The following HECW2 variants were observed in gnomAD, a reference collection of about 807,000 sequenced individuals.
HECW2 encodes E3 ubiquitin-protein ligase HECW2.
A neutral mutation model predicts 175.2 loss-of-function variants in HECW2; 61 were observed. That is an observed-to-expected ratio of 0.35 (90% CI 0.28 to 0.43). The LOEUF is 0.43. HECW2 is among the 20% of genes least tolerant of loss of function. HECW2 has a pLI of 1.00. For synonymous variants in HECW2, 671 were observed against 731.0 expected, an observed-to-expected ratio of 0.92 and a Z score of 1.32; for missense variants, 1,524 against 2,000.5, an observed-to-expected ratio of 0.76 and a Z score of 4.54.
chr2:196,425,844 T>C (rs1269096765), intron 2 of HECW2, among the ~76,000 whole-genome samples: 1 of 152,180 alleles, frequency 6.6e-6, no homozygotes, highest in African/African-American at 2.4e-5. Flanking sequence ...GCAGCAGGGT[T>C]TGAAAAGATT....
At chr2:196,280,804 T>C (rs1309628257) in intron 14 of HECW2, among the ~76,000 whole-genome samples, 2 of 152,232 alleles carry the variant, frequency 1.3e-5, no homozygotes, top group African/African-American at 2.4e-5. Context: ...CAAAATGTCA[T>C]AAAATAGCAA....
At chr2:196,389,679 A>C (rs1694450751) in intron 2 of HECW2, among the ~76,000 whole-genome samples, 1 of 152,196 alleles carries the variant, frequency 6.6e-6, no homozygotes, top group Non-Finnish European at 1.5e-5. Flanking sequence ...ATTGACTAAG[A>C]AAGGTAACTT....
At chr2:196,560,595 A>C (rs1243722982) in intron 1 of HECW2, among the ~76,000 whole-genome samples, 2 of 152,198 alleles carry the variant, frequency 1.3e-5, no homozygotes, top group Non-Finnish European at 2.9e-5. Context: ...GTGACTTCTC[A>C]TTTACAGAAA....
At chr2:196,298,668 C>T (rs1455719997) in intron 13 of HECW2, among the ~76,000 whole-genome samples, 1 of 152,144 alleles carries the variant, frequency 6.6e-6, no homozygotes, top group African/African-American at 2.4e-5. Context: ...CCATGACAGG[C>T]CCCGGTGTGT....
intron 2 of HECW2, among the ~76,000 whole-genome samples, chr2:196,385,408 C>T (rs1252449709): frequency 6.6e-6 from 1 of 152,110 alleles, no homozygotes; most frequent in Non-Finnish European, 1.5e-5. Flanking sequence ...TATGATCTCA[C>T]TAGAAGGTAA....
chr2:196,403,181 T>C (rs1175864156), intron 2 of HECW2, among the ~76,000 whole-genome samples: 1 of 152,158 alleles, frequency 6.6e-6, no homozygotes, highest in African/African-American at 2.4e-5. Context: ...GACACAGACA[T>C]AGGCATAGAA....
intron 1 of HECW2, among the ~76,000 whole-genome samples, chr2:196,553,124 T>C (rs1689661082): frequency 6.6e-6 from 1 of 152,252 alleles, no homozygotes; most frequent in African/African-American, 2.4e-5. Context: ...CAAATTTAAA[T>C]GAGCTAGAGG....
chr2:196,342,536 AT>A (rs1692795572), intron 3 of HECW2, among the ~76,000 whole-genome samples: 1 of 151,770 alleles, frequency 6.6e-6, no homozygotes, highest in African/African-American at 2.4e-5. Context: ...AGTATTTACT[AT>A]TTTTTCAATA....
At chr2:196,308,198 A>AG in intron 10 of HECW2, 113 bp from the exon 11 acceptor site, 1 of 698,776 alleles carries the variant, frequency 1.4e-6, no homozygotes, top group Non-Finnish European at 2.2e-6. Context: ...ATCTGAGACT[A>AG]ATAACATACA....
chr2:196,592,472 T>C (rs1462346280), intron 1 of HECW2: 1 of 152,226 alleles, frequency 6.6e-6, no homozygotes, highest in Non-Finnish European at 1.5e-5. Flanking sequence ...ACCTCTGCAG[T>C]CTCGCGTCCT....
chr2:196,291,697 C>G (rs1690609415), intron 14 of HECW2: 1 of 152,220 alleles, frequency 6.6e-6, no homozygotes, highest in Non-Finnish European at 1.5e-5. Flanking sequence ...TACAGCGTGG[C>G]TCAGCCACTG....
chr2:196,350,793 G>A (rs897329425), intron 2 of HECW2, among the ~76,000 whole-genome samples: 1 of 149,312 alleles, frequency 6.7e-6, no homozygotes, highest in African/African-American at 2.6e-5. Flanking sequence ...CTATGGTAAA[G>A]GTAACCATGT....
intron 25 of HECW2, 138 bp from the exon 26 acceptor site, chr2:196,220,291 A>C: frequency 1.6e-6 from 1 of 630,450 alleles, no homozygotes; most frequent in Non-Finnish European, 2.8e-6. Flanking sequence ...AAAACCTGTA[A>C]AGCTCCCTAC....
chr2:196,261,566 A>G lies in HECW2; in HGVS notation c.3336-3660T>C, dbSNP rs575077346. 4.6e-5 allele frequency among the ~76,000 whole-genome samples: 7 copies of G among 152,342 alleles called. No homozygotes were observed. The East Asian group carries it at 1.4e-3, about 29-fold the overall frequency. On this transcript the variant is annotated intron_variant, in intron 17 of 28. Coordinates refer to ENST00000644978, the MANE Select transcript of HECW2 (RefSeq NM_001348768.2). The stretch of plus-strand genomic sequence containing the variant: ...ACATGCTAGGCCAGAGATGCAAAAA[A>G]TCAAAAGAATCAAGTCAAACACAAG...
rs1297668523 is a variant in HECW2, at chr2:196,579,405, C to T, written c.-36+14103G>A. Among the ~76,000 whole-genome samples the T allele has an allele frequency of 3.9e-5, 6 of 151,988 alleles. No individual in the cohort carries two copies. In the South Asian group the frequency reaches 1.0e-3, roughly 26 times the overall value. On this transcript the variant is annotated intron_variant, in intron 1 of 28. Transcript: ENST00000644978. ...AACAGGAAAGAGACAGACATAAATG[C>T]TACTTGATTATCAGTAATTACATTA...
intron 1 of HECW2, among the ~76,000 whole-genome samples, chr2:196,553,039 A>G (rs1363710642): frequency 1.3e-5 from 2 of 152,166 alleles, no homozygotes; most frequent in Non-Finnish European, 2.9e-5. Flanking sequence ...GGGGTGGGCG[A>G]GTAGGGCCAA....
chr2:196,407,847 A>G (rs138587280), intron 2 of HECW2, among the ~76,000 whole-genome samples: 1 of 152,372 alleles, frequency 6.6e-6, no homozygotes, highest in East Asian at 1.9e-4. Flanking sequence ...CCTAGTGCTT[A>G]GCACAGTGCG....
chr2:196,480,711 C>T (rs186682663), intron 1 of HECW2, among the ~76,000 whole-genome samples: 4 of 152,320 alleles, frequency 2.6e-5, no homozygotes, highest in South Asian at 4.1e-4. Context: ...TAGTCTTATA[C>T]TTGAAATTTT....
At chr2:196,488,955 G>A (rs533033367) in intron 1 of HECW2, among the ~76,000 whole-genome samples, 1 of 152,048 alleles carries the variant, frequency 6.6e-6, no homozygotes, top group African/African-American at 2.4e-5. Context: ...ATAGAAGTAA[G>A]TTAAAAGCAA....
Sources: allele counts gnomAD v4.1 joint callset (sites outside exome capture counted in the v4.1 genomes callset), GRCh38; gene constraint gnomAD v4.1.1; transcripts MANE v1.5; gene names NCBI Gene and HGNC (gene_info 2026-07-23, HGNC 2026-07-21).